Variants in CXorf58 observed in about 807,000 individuals in gnomAD.
CXorf58 encodes the protein chromosome X open reading frame 58, also known as uncharacterized protein CXorf58.
CXorf58 carries 24 observed loss-of-function variants against 26.0 expected under a neutral mutation model. The observed-to-expected ratio is 0.92, with a 90% CI of 0.67 to 1.30. CXorf58 has a LOEUF of 1.30. Among genes scored for constraint, CXorf58 ranks in the 50% most tolerant of loss-of-function variants. CXorf58 has a pLI of 0.00. For synonymous variants in CXorf58, 87 were observed against 86.1 expected (o/e 1.01, Z -0.06); for missense variants, 236 against 263.9 (o/e 0.89, Z 0.73).
intron 5 of CXorf58, among the ~76,000 whole-genome samples, chrX:23,924,462 C>G (rs1927951422): frequency 9.1e-6 from 1 of 109,840 alleles, no homozygotes; most frequent in African/African-American, 3.3e-5. Flanking sequence ...GCTGGGATTA[C>G]AGGTGCTCAC....
chrX:23,913,660 T>C (rs1927641828), intron 3 of CXorf58, among the ~76,000 whole-genome samples: 1 of 111,598 alleles, frequency 9.0e-6, no homozygotes, highest in Non-Finnish European at 1.9e-5. Context: ...AGCTGGGATC[T>C]TTAGGAGGCC....
intron 6 of CXorf58, among the ~76,000 whole-genome samples, chrX:23,929,413 AAAAAAAAAAGAAAAAG>A (rs199747128): frequency 0.098 from 10,353 of 105,630 alleles, 733 homozygotes; most frequent in East Asian, 0.45. Flanking sequence ...CTCAAAAAAA[AAAAAAAAAAGAAAAAG>A]AAAAAAAAAG....
intron 6 of CXorf58, among the ~76,000 whole-genome samples, chrX:23,928,490 T>A (rs765412495): frequency 1.4e-4 from 16 of 111,793 alleles, no homozygotes; most frequent in Non-Finnish European, 2.8e-4. Flanking sequence ...GCCGATGTTG[T>A]GTTTTCACAA....
chrX:23,928,401 T>G (rs1409294178), intron 6 of CXorf58, among the ~76,000 whole-genome samples: 1 of 110,992 alleles, frequency 9.0e-6, no homozygotes, highest in Non-Finnish European at 1.9e-5. Context: ...CAGGCTGGTC[T>G]CAAACTCCTG....
At chrX:23,922,078 T>C (rs1244845697) in intron 5 of CXorf58, among the ~76,000 whole-genome samples, 1 of 110,850 alleles carries the variant, frequency 9.0e-6, no homozygotes, top group Admixed American at 9.7e-5. Context: ...TATCCTCATT[T>C]TAAAAAAGAC....
chrX:23,909,515 A>G (rs1295967840), intron 1 of CXorf58, among the ~76,000 whole-genome samples: 1 of 112,260 alleles, frequency 8.9e-6, no homozygotes, highest in African/African-American at 3.2e-5. Context: ...AAATATTTTG[A>G]TGATTTCAAT....
At position 23,911,396 on chromosome X, in the gene CXorf58, C is replaced by T. The variant is rs1021491025; in HGVS notation, c.117-361C>T. ...TTTCATAGCACTTGAACTAGTTGGACGTTTCATTTTAGGTCGTGAATGTTT... is the reference window on the plus strand; with the variant it reads ...TTTCATAGCACTTGAACTAGTTGGATGTTTCATTTTAGGTCGTGAATGTTT... On this transcript the variant is annotated intron_variant, in intron 2 of 8. Transcript: ENST00000379211. Among the ~76,000 whole-genome samples, 5 of 111,656 alleles carry T rather than the reference C, an allele frequency of 4.5e-5. No homozygotes were observed. The South Asian group carries it at 1.5e-3, about 33-fold the overall frequency.
At chrX:23,921,610 T>C (rs1927869474) in intron 5 of CXorf58, among the ~76,000 whole-genome samples, 1 of 112,161 alleles carries the variant, frequency 8.9e-6, no homozygotes. Context: ...TATTTCTCAC[T>C]CTAAGCTTAC....
intron 4 of CXorf58, 93 bp from the exon 5 acceptor site, chrX:23,916,124 A>C: frequency 2.0e-6 from 1 of 508,805 alleles, no homozygotes; most frequent in Non-Finnish European, 3.3e-6. Flanking sequence ...CCCTGTATGC[A>C]AGAAACTATA....
intron 5 of CXorf58, among the ~76,000 whole-genome samples, chrX:23,918,922 A>G (rs1326558565): frequency 2.7e-5 from 3 of 112,172 alleles, no homozygotes; most frequent in African/African-American, 9.7e-5. Context: ...AAGGCTTCCA[A>G]TGAGAAGTCT....
Position 23,927,264 on chromosome X carries a change from TG to T in CXorf58, c.454del (p.Glu152LysfsTer7). ...GCAGTGGATGATGCTTGCAAACTAA[TG>T]GGGGAAAGGAAATTTCACCGTATAA... Reference protein sequence around the residue: ...SKAVDDACKLMGERKFHRIIM... With the variant: ...SKAVDDACKLXGERKFHRIIM... On this transcript the variant is annotated frameshift_variant, in exon 6 of 9. Transcript: ENST00000379211. LOFTEE classifies it high-confidence loss of function. 8.6e-7 allele frequency: 1 copy of T among 1,164,730 alleles called. No homozygotes were observed. Among genetic ancestry groups the T allele is most frequent in the Non-Finnish European group, 1.2e-6 (1 of 867,550 alleles).
rs763194474 is a variant in CXorf58, at chrX:23,915,839, A to G, written c.311+45A>G. 8.1e-6 allele frequency: 6 copies of G among 737,453 alleles called. No homozygotes were observed. The South Asian group carries it at 1.6e-4, about 19-fold the overall frequency. The allele number at this position is 737,453 out of a possible 1,213,427, so 60.8% of individuals were successfully genotyped here. A position where few individuals can be genotyped will look rare whatever the true frequency, so the allele number is the denominator to read the frequency against. On this transcript the variant is annotated intron_variant, in intron 4 of 8. Coordinates refer to ENST00000379211, the MANE Select transcript of CXorf58 (RefSeq NM_152761.3). ...TTATTTCAAGAAGTACTTAGTTAAT[A>G]TGAGGAAATCTTAGATATGGATTTT...
rs765218896 is a variant in CXorf58, at chrX:23,911,841, C to T, written c.201C>T (p.His67=). ...AAATGATATTTCGACTCCTAAAACA[C>T]GCAATTTGTGCAGCGGTATGTATTT... ...TNKMIFRLLK[H]AICAAEFYVT... The change falls in exon 3 of 9, where the codon CAC becomes CAT. Residue 67 remains histidine, a synonymous_variant. Transcript: ENST00000379211. The T allele has an allele frequency of 1.2e-4, 147 of 1,187,773 alleles. No individual in the cohort carries two copies. The East Asian group carries it at 2.9e-3, about 23-fold the overall frequency.
intron 3 of CXorf58, 26 bp from the exon 4 acceptor site, chrX:23,915,673 CT>C (rs1344693086): frequency 2.0e-6 from 2 of 979,582 alleles, no homozygotes; most frequent in African/African-American, 3.8e-5. Flanking sequence ...TACTGCTTTC[CT>C]TTTACAGCAC....
intron 5 of CXorf58, among the ~76,000 whole-genome samples, chrX:23,926,975 C>T (rs761228738): frequency 1.1e-4 from 12 of 110,614 alleles, no homozygotes; most frequent in East Asian, 2.8e-4. Context: ...GCTGAGATGG[C>T]GCCACTGTTC....
intron 6 of CXorf58, among the ~76,000 whole-genome samples, chrX:23,933,263 G>T (rs1030785732): frequency 1.8e-5 from 2 of 111,237 alleles, no homozygotes; most frequent in African/African-American, 3.3e-5. Context: ...ATCTGTGTGT[G>T]TGTGTTTGAA....
chrX:23,938,470 A>T, intron 7 of CXorf58, 77 bp from the exon 8 acceptor site: 1 of 800,434 alleles, frequency 1.2e-6, no homozygotes, highest in Non-Finnish European at 1.7e-6. Context: ...AGAAAGCTTT[A>T]ATGAAATTTG....
chrX:23,923,970 G>T (rs1350350257), intron 5 of CXorf58, among the ~76,000 whole-genome samples: 1 of 111,809 alleles, frequency 8.9e-6, no homozygotes, highest in Admixed American at 9.6e-5. Context: ...GGAGGCTGAG[G>T]CAGGAGAATC....
chrX:23,934,223 C>T (rs1433299168), intron 6 of CXorf58, among the ~76,000 whole-genome samples: 3 of 111,930 alleles, frequency 2.7e-5, no homozygotes, highest in African/African-American at 9.7e-5. Context: ...TAATGTGTAG[C>T]ATAGCTCCTG....
Sources: gnomAD v4.1 joint callset for allele counts (sites outside exome capture counted in the v4.1 genomes callset) on GRCh38, gnomAD v4.1.1 for gene constraint, MANE v1.5 for transcripts, NCBI Gene and HGNC (gene_info 2026-07-23, HGNC 2026-07-21) for gene names.